JAKMIP2: variants seen among roughly 807,000 people sequenced by gnomAD.
JAKMIP2 encodes janus kinase and microtubule-interacting protein 2.
Under a neutral mutation model 115.0 loss-of-function variants are expected in JAKMIP2, and 25 were observed. That is an observed-to-expected ratio of 0.22 (90% CI 0.16 to 0.30). JAKMIP2 has a LOEUF of 0.30. Among genes scored for constraint, JAKMIP2 ranks in the 10% least tolerant of loss-of-function variants. The pLI is 1.00. For missense variants in JAKMIP2, 642 were observed against 957.6 expected, an observed-to-expected ratio of 0.67 and a Z score of 4.35; for synonymous variants, 334 against 343.6, an observed-to-expected ratio of 0.97 and a Z score of 0.31.
intron 1 of JAKMIP2, among the ~76,000 whole-genome samples, chr5:147,722,041 C>T (rs940091529): frequency 1.3e-5 from 2 of 152,092 alleles, no homozygotes; most frequent in African/African-American, 4.8e-5. Flanking sequence ...CTCCTATTTA[C>T]TCTGAGTTTT....
chr5:147,780,924 T>A lies in JAKMIP2; in HGVS notation c.-149+1532A>T, dbSNP rs534016111. Among the ~76,000 whole-genome samples the A allele has an allele frequency of 1.6e-4, 24 of 152,310 alleles. No homozygotes were observed. In the South Asian group the frequency reaches 4.6e-3, roughly 29 times the overall value. ...ATAGCCCATGTGGTAAATGTAATAT[T>A]ACTAATACACTTTACCTACATAATT... On this transcript the variant is annotated intron_variant, in intron 1 of 21. Coordinates refer to ENST00000616793, the MANE Select transcript of JAKMIP2 (RefSeq NM_001270941.2).
intron 1 of JAKMIP2, among the ~76,000 whole-genome samples, chr5:147,693,109 A>G (rs1280212131): frequency 1.3e-5 from 2 of 152,222 alleles, no homozygotes; most frequent in Admixed American, 1.3e-4. Context: ...TTATAAATAT[A>G]ATATGATATT....
intron 3 of JAKMIP2, among the ~76,000 whole-genome samples, chr5:147,660,153 A>T (rs182477280): frequency 6.6e-6 from 1 of 152,332 alleles, no homozygotes; most frequent in Non-Finnish European, 1.5e-5. Flanking sequence ...TTTTGGTCTA[A>T]AATAATTAAA....
In JAKMIP2 at chr5:147,710,873, C is replaced by T. The variant is rs1186648930; in HGVS notation, c.-148-38919G>A. Among the ~76,000 whole-genome samples, 8 of 152,096 alleles carry T rather than the reference C, an allele frequency of 5.3e-5. 1 individual carries two copies. Among genetic ancestry groups the T allele is most frequent in the Non-Finnish European group, 1.2e-4 (8 of 68,012 alleles). On this transcript the variant is annotated intron_variant, in intron 1 of 21. Coordinates refer to ENST00000616793, the MANE Select transcript of JAKMIP2 (RefSeq NM_001270941.2). Reference sequence around the variant, plus strand: ...TATATCTTGATGCAGATTTCTGAATCGGTTATAGGGATGCATTCCAAGTAG... The same window carrying T: ...TATATCTTGATGCAGATTTCTGAATTGGTTATAGGGATGCATTCCAAGTAG...
At chr5:147,629,186 C>T (rs17106958) in intron 15 of JAKMIP2, among the ~76,000 whole-genome samples, 7,210 of 152,112 alleles carry the variant, frequency 0.047, 551 homozygotes, top group African/African-American at 0.16. Context: ...AAGGGAAAAA[C>T]GGTGATTCTT....
At chr5:147,617,869 G>A (rs192552109) in intron 19 of JAKMIP2, 42 bp downstream of exon 19, 2 of 1,512,518 alleles carry the variant, frequency 1.3e-6, no homozygotes, top group Non-Finnish European at 9.2e-7. Context: ...AGTTCCATTT[G>A]CTAGTACTAA....
intron 1 of JAKMIP2, among the ~76,000 whole-genome samples, chr5:147,737,128 G>A (rs1415293216): frequency 2.0e-5 from 3 of 152,160 alleles, no homozygotes; most frequent in African/African-American, 7.2e-5. Flanking sequence ...AGTATTGCCT[G>A]ATGTGGCAGA....
At chr5:147,634,507 T>A (rs538570197) in intron 12 of JAKMIP2, among the ~76,000 whole-genome samples, 1 of 152,190 alleles carries the variant, frequency 6.6e-6, no homozygotes, top group African/African-American at 2.4e-5. Context: ...ATAAAGGAGA[T>A]TCTACTTCCT....
At chr5:147,756,964 C>T (rs1754765487) in intron 1 of JAKMIP2, among the ~76,000 whole-genome samples, 2 of 152,136 alleles carry the variant, frequency 1.3e-5, no homozygotes, top group African/African-American at 2.4e-5. Context: ...TTATTTTCTT[C>T]CCCTTCACAC....
chr5:147,753,027 T>A (rs1754615768), intron 1 of JAKMIP2, among the ~76,000 whole-genome samples: 1 of 152,064 alleles, frequency 6.6e-6, no homozygotes, highest in Admixed American at 6.6e-5. Context: ...ATGACTTTTA[T>A]CTCCTCCTCA....
intron 1 of JAKMIP2, among the ~76,000 whole-genome samples, chr5:147,673,836 TC>T (rs1759771761): frequency 1.3e-5 from 2 of 152,036 alleles, no homozygotes; most frequent in East Asian, 3.9e-4. Flanking sequence ...TATATATATA[TC>T]TATCTAACAG....
intron 1 of JAKMIP2, among the ~76,000 whole-genome samples, chr5:147,680,365 C>T (rs1053707732): frequency 1.3e-5 from 2 of 152,140 alleles, no homozygotes; most frequent in Non-Finnish European, 2.9e-5. Flanking sequence ...TCAGTATTCC[C>T]AGGGGTCTTG....
At chr5:147,710,782 A>G (rs1752747667) in intron 1 of JAKMIP2, among the ~76,000 whole-genome samples, 2 of 152,230 alleles carry the variant, frequency 1.3e-5, no homozygotes, top group South Asian at 2.1e-4. Flanking sequence ...ACATAAAATG[A>G]TAGATGTGAT....
chr5:147,698,073 C>T (rs552737806), intron 1 of JAKMIP2, among the ~76,000 whole-genome samples: 31 of 152,276 alleles, frequency 2.0e-4, no homozygotes, highest in African/African-American at 5.8e-4. Context: ...GTCACAGGAG[C>T]GGAGCTTCCC....
intron 1 of JAKMIP2, among the ~76,000 whole-genome samples, chr5:147,709,043 A>T (rs1752682824): frequency 6.6e-6 from 1 of 152,214 alleles, no homozygotes; most frequent in Non-Finnish European, 1.5e-5. Flanking sequence ...GAAAATGTTT[A>T]AGCATGATAG....
chr5:147,764,270 G>A (rs906383861), intron 1 of JAKMIP2, among the ~76,000 whole-genome samples: 1 of 151,996 alleles, frequency 6.6e-6, no homozygotes, highest in African/African-American at 2.4e-5. Context: ...GTGGAATCTC[G>A]ATGTTCCAAT....
chr5:147,724,425 T>C (rs1753435385), intron 1 of JAKMIP2, among the ~76,000 whole-genome samples: 1 of 152,228 alleles, frequency 6.6e-6, no homozygotes, highest in Admixed American at 6.5e-5. Flanking sequence ...CTTGCTCTTC[T>C]TCAATAACAT....
At chr5:147,674,948 T>C (rs1288036390) in intron 1 of JAKMIP2, among the ~76,000 whole-genome samples, 1 of 152,170 alleles carries the variant, frequency 6.6e-6, no homozygotes, top group African/African-American at 2.4e-5. Context: ...AATACAGCCC[T>C]CAACAGATAA....
Position 147,636,987 on chromosome 5 carries a change from G to T in JAKMIP2, c.1592C>A (p.Ala531Glu), listed in dbSNP as rs143339094. 15 of 872,806 alleles carry T rather than the reference G, an allele frequency of 1.7e-5. No individual in the cohort carries two copies. The highest frequency in any genetic ancestry group is 3.0e-5 in the Non-Finnish European group (15 of 501,688). 54.1% of individuals were successfully genotyped at this position (872,806 alleles called of 1,614,324 possible). ...TACCTGCCCTTTCTGAGCCAGAGTC[G>T]CTTCCAGGTCTTCAATTTTGGCTTT... is the stretch of plus-strand genomic sequence containing the variant. The part of the protein sequence containing the change: ...RYKAKIEDLE[A>E]TLAQKGQDSH... The change falls in exon 11 of 22, where the codon GCG (alanine) becomes GAG (glutamate). Residue 531 changes from alanine to glutamate, a missense_variant. Physicochemically the swap from Ala to Glu is moderately radical, Grantham distance 107. Around this residue, in one of 6 missense-constraint regions of JAKMIP2, gnomAD observed 103 missense variants for 177.6 expected, o/e 0.58. Coordinates refer to ENST00000616793, the MANE Select transcript of JAKMIP2 (RefSeq NM_001270941.2).
Sources: gnomAD v4.1 joint callset for allele counts (sites outside exome capture counted in the v4.1 genomes callset) on GRCh38, gnomAD v4.1.1 for gene constraint, gnomAD v4.1.1 regional missense constraint, MANE v1.5 for transcripts, NCBI Gene and HGNC (gene_info 2026-07-23, HGNC 2026-07-21) for gene names.